The following PRKG1 variants were observed in gnomAD, a reference collection of about 807,000 sequenced individuals.
PRKG1 encodes the protein cGMP-dependent protein kinase 1.
Under a neutral mutation model 88.1 loss-of-function variants are expected in PRKG1, and 35 were observed. That is an observed-to-expected ratio of 0.40 (90% confidence interval 0.30 to 0.53). The LOEUF (loss-of-function observed/expected upper bound fraction) is 0.53. PRKG1 is among the 20% of genes least tolerant of loss of function. PRKG1 has a pLI of 0.59. For missense variants in PRKG1, 540 were observed against 839.8 expected (o/e 0.64, Z 4.41); for synonymous variants, 303 against 292.5 (o/e 1.04, Z -0.37).
chr10:51,860,099 A>T (rs1840832563), intron 4 of PRKG1, among the ~76,000 whole-genome samples: 1 of 152,166 alleles, frequency 6.6e-6, no homozygotes, highest in African/African-American at 2.4e-5. Flanking sequence ...AGTCATCCAA[A>T]AATAGGGTAA....
At chr10:51,161,150 G>T (rs117022457) in intron 2 of PRKG1, among the ~76,000 whole-genome samples, 1,701 of 151,946 alleles carry the variant, frequency 0.011, 48 homozygotes, top group East Asian at 0.088. Context: ...CTGTGAGAGT[G>T]GATTTTATAT....
chr10:51,024,661 G>T (rs117801216), intron 1 of PRKG1, among the ~76,000 whole-genome samples: 1,571 of 152,272 alleles, frequency 0.01, 12 homozygotes, highest in Admixed American at 0.017. Context: ...ATCTCAGGCT[G>T]TACAGGAAGC....
At chr10:51,647,372 C>A (rs1839940008) in intron 3 of PRKG1, among the ~76,000 whole-genome samples, 1 of 152,256 alleles carries the variant, frequency 6.6e-6, no homozygotes, top group East Asian at 1.9e-4. Context: ...TTGTAAGGAC[C>A]TAATTCAGTA....
intron 4 of PRKG1, among the ~76,000 whole-genome samples, chr10:51,881,341 G>A (rs1841433387): frequency 6.6e-6 from 1 of 152,146 alleles, no homozygotes. Flanking sequence ...TTGTGCATTG[G>A]CTGTGCTCAG....
At chr10:52,250,382 G>A (rs765177217) in intron 9 of PRKG1, among the ~76,000 whole-genome samples, 51 of 152,298 alleles carry the variant, frequency 3.3e-4, no homozygotes, top group South Asian at 4.1e-4. Context: ...AATGCAGAAA[G>A]CTTACCTAGA....
intron 3 of PRKG1, among the ~76,000 whole-genome samples, chr10:51,539,379 C>T (rs1842242279): frequency 6.6e-6 from 1 of 152,062 alleles, no homozygotes; most frequent in Non-Finnish European, 1.5e-5. Context: ...AAAGCAATTG[C>T]AAGAAATAAC....
At chr10:51,035,259 A>G (rs1228674128) in intron 1 of PRKG1, among the ~76,000 whole-genome samples, 1 of 152,184 alleles carries the variant, frequency 6.6e-6, no homozygotes, top group Non-Finnish European at 1.5e-5. Flanking sequence ...TTATTTGATG[A>G]TTATGTGAAA....
intron 4 of PRKG1, among the ~76,000 whole-genome samples, chr10:51,868,998 A>G (rs1367316228): frequency 1.3e-5 from 2 of 152,160 alleles, no homozygotes; most frequent in African/African-American, 4.8e-5. Flanking sequence ...TCCAATGAAT[A>G]ATTTTATTGC....
At chr10:51,322,638 T>C (rs1031537970) in intron 2 of PRKG1, among the ~76,000 whole-genome samples, 1 of 152,186 alleles carries the variant, frequency 6.6e-6, no homozygotes, top group African/African-American at 2.4e-5. Flanking sequence ...GTCTTAGATA[T>C]CCATCATCTG....
At chr10:51,180,943 A>G (rs913317799) in intron 2 of PRKG1, among the ~76,000 whole-genome samples, 1 of 152,274 alleles carries the variant, frequency 6.6e-6, no homozygotes, top group Non-Finnish European at 1.5e-5. Context: ...TAGGGCTCTG[A>G]TCTCTTTGAT....
intron 4 of PRKG1, among the ~76,000 whole-genome samples, chr10:51,877,132 C>A (rs1237908329): frequency 6.6e-6 from 1 of 152,084 alleles, no homozygotes; most frequent in Non-Finnish European, 1.5e-5. Flanking sequence ...CCCATGCACC[C>A]TCCCATGTTG....
In PRKG1 at chr10:51,586,127, A is replaced by G. The variant is rs1054955440; in HGVS notation, c.592+118291A>G. 5.3e-4 allele frequency among the ~76,000 whole-genome samples: 80 copies of G among 152,182 alleles called. 2 individuals are homozygous for G. The highest frequency in any genetic ancestry group is 1.8e-4 in the Non-Finnish European group (12 of 68,032). The stretch of plus-strand genomic sequence containing the variant: ...TGCACATATACCTTCTGAATCAAAA[A>G]TAAATGTTGAATTTATAATAAGGAA... On this transcript the variant is annotated intron_variant, in intron 3 of 17. Transcript: ENST00000373980.
chr10:51,032,770 C>T (rs186409067), intron 1 of PRKG1, among the ~76,000 whole-genome samples: 19 of 152,152 alleles, frequency 1.2e-4, no homozygotes, highest in Admixed American at 9.8e-4. Context: ...AACAAACAAA[C>T]AAATATTATT....
chr10:51,325,754 T>C (rs978508363), intron 2 of PRKG1, among the ~76,000 whole-genome samples: 2 of 152,172 alleles, frequency 1.3e-5, no homozygotes, highest in African/African-American at 4.8e-5. Context: ...CTTTCCTGAC[T>C]GTGCAGGGAC....
At chr10:52,124,342 A>G (rs989187787) in intron 7 of PRKG1, among the ~76,000 whole-genome samples, 14 of 152,232 alleles carry the variant, frequency 9.2e-5, no homozygotes, top group Non-Finnish European at 1.6e-4. Flanking sequence ...AAACCTGTAC[A>G]GCATGTGACT....
chr10:51,718,629 A>G (rs1351457297), intron 3 of PRKG1, among the ~76,000 whole-genome samples: 5 of 152,350 alleles, frequency 3.3e-5, no homozygotes, highest in African/African-American at 1.2e-4. Flanking sequence ...TTGAATAAAT[A>G]AATAAATGAG....
chr10:51,307,432 T>G (rs1333078035), intron 2 of PRKG1, among the ~76,000 whole-genome samples: 1 of 152,302 alleles, frequency 6.6e-6, no homozygotes, highest in East Asian at 1.9e-4. Context: ...TCCAGAACGT[T>G]TGCTACTAAA....
chr10:51,473,305 C>T (rs1254372506), intron 3 of PRKG1, among the ~76,000 whole-genome samples: 2 of 151,846 alleles, frequency 1.3e-5, no homozygotes, highest in African/African-American at 4.8e-5. Flanking sequence ...GTTTTAATCT[C>T]ATTTTTTTTG....
intron 8 of PRKG1, among the ~76,000 whole-genome samples, chr10:52,138,536 C>T (rs367783221): frequency 6.6e-6 from 1 of 151,960 alleles, no homozygotes; most frequent in African/African-American, 2.4e-5. Flanking sequence ...TCTTGAGGCC[C>T]TTGTGGGACC....
Sources: gnomAD v4.1 joint callset for allele counts (sites outside exome capture counted in the v4.1 genomes callset) on GRCh38, gnomAD v4.1.1 for gene constraint, MANE v1.5 for transcripts, NCBI Gene and HGNC (gene_info 2026-07-23, HGNC 2026-07-21) for gene names.